CTBS: variants seen among roughly 807,000 people sequenced by gnomAD.
CTBS encodes chitobiase.
A neutral mutation model predicts 44.3 loss-of-function variants in CTBS; 35 were observed. That is an observed-to-expected ratio of 0.79 (90% CI 0.60 to 1.05). CTBS has a LOEUF of 1.05. CTBS is among the 50% of genes least tolerant of loss of function. The pLI, the probability that CTBS is intolerant of heterozygous loss-of-function variation, is 0.00. For synonymous variants in CTBS, 143 were observed against 168.0 expected (o/e 0.85, Z 1.15); for missense variants, 458 against 475.3 (o/e 0.96, Z 0.34).
At position 84,574,336 on chromosome 1, in the gene CTBS, A is replaced by G. The variant is rs751607399; in HGVS notation, c.80T>C (p.Leu27Pro). ...SGVPGLALLA[L>P]LALLALRLAA... Reference sequence around the variant, plus strand: ...GAGCCGCAGCGCCAGCAGCGCCAGCAGCGCCAGCAGCGCTAGACCCGGGAC... The same window carrying G: ...GAGCCGCAGCGCCAGCAGCGCCAGCGGCGCCAGCAGCGCTAGACCCGGGAC... The change falls in exon 1 of 7, where the codon CTG (leucine) becomes CCG (proline). Residue 27 changes from leucine (L) to proline (P), a missense_variant. Coordinates refer to ENST00000370630, the MANE Select transcript of CTBS (RefSeq NM_004388.3). The G allele has an allele frequency of 7.0e-6, 11 of 1,572,316 alleles. No individual in the cohort carries two copies. The South Asian group carries it at 1.2e-4, about 17-fold the overall frequency.
intron 1 of CTBS, chr1:84,573,852 T>TG: frequency 9.3e-7 from 1 of 1,074,914 alleles, no homozygotes; most frequent in Non-Finnish European, 1.1e-6. Flanking sequence ...AATGTACTGT[T>TG]GGAGTGCTGA....
At position 84,555,072 on chromosome 1, in the gene CTBS, G is replaced by A. The variant is rs1350835578; in HGVS notation, c.1085C>T (p.Ser362Phe). ...TTGCTGTTTGGCTACAGCATCTCCAGAGTAGTCAAGACAGTTTGCATTCCA... is the reference window on the plus strand; with the variant it reads ...TTGCTGTTTGGCTACAGCATCTCCAAAGTAGTCAAGACAGTTTGCATTCCA... ...GMWNANCLDY[S>F]GDAVAKQQTE... The change falls in exon 7 of 7, where the codon TCT (serine) becomes TTT (phenylalanine). Residue 362 changes from serine (S) to phenylalanine (F), a missense_variant. By Grantham distance (155) the Ser-to-Phe change is radical. Coordinates refer to ENST00000370630, the MANE Select transcript of CTBS (RefSeq NM_004388.3). 12 of 1,613,812 alleles carry A rather than the reference G, an allele frequency of 7.4e-6. No individual in the cohort carries two copies. Among genetic ancestry groups the A allele is most frequent in the African/African-American group, 1.3e-5 (1 of 74,858 alleles).
In CTBS at chr1:84,549,924, A is replaced by G. The variant is rs1019119393; in HGVS notation, c.*5075T>C. On this transcript the variant is annotated 3_prime_UTR_variant, in exon 7 of 7. Coordinates refer to ENST00000370630, the MANE Select transcript of CTBS (RefSeq NM_004388.3). The stretch of plus-strand genomic sequence containing the variant: ...TATCTTACTGTTTAATCAGTTCAAT[A>G]TAAGAATTTTTTCACAAAGCCAGTT... The G allele has an allele frequency of 6.6e-6, 1 of 151,624 alleles. No homozygotes were observed. The highest frequency in any genetic ancestry group is 1.5e-5 in the Non-Finnish European group (1 of 67,872). 9.4% of individuals were successfully genotyped at this position (151,624 alleles called of 1,614,324 possible).
At chr1:84,555,640 T>C (rs2102015001) in intron 6 of CTBS, among the ~76,000 whole-genome samples, 1 of 152,340 alleles carries the variant, frequency 6.6e-6, no homozygotes, top group South Asian at 2.1e-4. Flanking sequence ...CTCCTTTTCA[T>C]GTCCTAAGAT....
Position 84,554,653 on chromosome 1 carries a change from A to G in CTBS, c.*346T>C. 5.5e-6 allele frequency: 1 copy of G among 181,566 alleles called. No homozygotes were observed. Among genetic ancestry groups the G allele is most frequent in the Non-Finnish European group, 1.2e-5 (1 of 85,564 alleles). The allele number at this position is 181,566 out of a possible 1,614,324, so 11.2% of individuals were successfully genotyped here. A position where few individuals can be genotyped will look rare whatever the true frequency, so the allele number is the denominator to read the frequency against. ...AAACAATTTCCACTTCAGATTATAC[A>G]TATTTTAAAAATCAGCATTGATTCG... On this transcript the variant is annotated 3_prime_UTR_variant, in exon 7 of 7. Coordinates refer to ENST00000370630, the MANE Select transcript of CTBS (RefSeq NM_004388.3).
At chr1:84,557,533 C>CAAAAAAAAAAAAAAAAAAAAAAAAAAAAA (rs56101174) in intron 6 of CTBS, among the ~76,000 whole-genome samples, 1 of 55,438 alleles carries the variant, frequency 1.8e-5, no homozygotes, top group African/African-American at 5.9e-5. Context: ...AACTCCATCT[C>CAAAAAAAAAAAAAAAAAAAAAAAAAAAAA]AAAAAAAAAA....
rs1344705389 is a variant in CTBS at position 84,553,826 on chromosome 1, A to T, written c.*1173T>A. 6.6e-6 allele frequency: 1 copy of T among 152,200 alleles called. No homozygotes were observed. Among genetic ancestry groups the T allele is most frequent in the Non-Finnish European group, 1.5e-5 (1 of 68,032 alleles). The allele number at this position is 152,200 out of a possible 1,614,324, so 9.4% of individuals were successfully genotyped here. On this transcript the variant is annotated 3_prime_UTR_variant, in exon 7 of 7. Coordinates refer to ENST00000370630, the MANE Select transcript of CTBS (RefSeq NM_004388.3). The stretch of plus-strand genomic sequence containing the variant: ...ATTTATGTAAATCTAGAGTTCAAAG[A>T]TACAGATTTTTAATCTGTAATTAGG...
At position 84,553,101 on chromosome 1, in the gene CTBS, A is replaced by G; in HGVS notation, c.*1898T>C. 2 of 1,519,454 alleles carry G rather than the reference A, an allele frequency of 1.3e-6. No individual in the cohort carries two copies. The highest frequency in any genetic ancestry group is 1.8e-6 in the Non-Finnish European group (2 of 1,131,828). The allele number at this position is 1,519,454 out of a possible 1,614,324, so 94.1% of individuals were successfully genotyped here. ...TGAACTGGCACAGAAAAAAAAAATA[A>G]TACATCTCTACAATCTCAATTAGGT... On this transcript the variant is annotated 3_prime_UTR_variant, in exon 7 of 7. Coordinates refer to ENST00000370630, the MANE Select transcript of CTBS (RefSeq NM_004388.3).
At chr1:84,570,218 G>C in intron 2 of CTBS, 79 bp from the exon 3 acceptor site, 1 of 1,153,960 alleles carries the variant, frequency 8.7e-7, no homozygotes, top group South Asian at 1.4e-5. Flanking sequence ...CTTAACTGAA[G>C]TTTTCCAATG....
At chr1:84,571,295 C>T (rs1418481392) in intron 1 of CTBS, among the ~76,000 whole-genome samples, 1 of 152,098 alleles carries the variant, frequency 6.6e-6, no homozygotes, top group African/African-American at 2.4e-5. Context: ...GGAGCAGTGG[C>T]GTTAAGTGAA....
chr1:84,557,616 G>C (rs948347182), intron 6 of CTBS, among the ~76,000 whole-genome samples: 1 of 151,330 alleles, frequency 6.6e-6, no homozygotes, highest in African/African-American at 2.4e-5. Flanking sequence ...AGCCCTTTGG[G>C]AGGCCGAGAT....
chr1:84,555,411 C>G (rs189518016), intron 6 of CTBS, among the ~76,000 whole-genome samples: 71 of 152,230 alleles, frequency 4.7e-4, no homozygotes, highest in Non-Finnish European at 8.4e-4. Context: ...TACAAATGGT[C>G]CCTGACTTAC....
Position 84,550,114 on chromosome 1 carries a change from T to C in CTBS, c.*4885A>G, listed in dbSNP as rs1047128642. On this transcript the variant is annotated 3_prime_UTR_variant, in exon 7 of 7. Coordinates refer to ENST00000370630, the MANE Select transcript of CTBS (RefSeq NM_004388.3). ...ATTAAGTATTTTAAAATAATTCTAA[T>C]CTTATTCAGCTGATAAAGCATTATG... 15 of 164,058 alleles carry C rather than the reference T, an allele frequency of 9.1e-5. No individual in the cohort carries two copies. The highest frequency in any genetic ancestry group is 8.9e-4 in the Admixed American group (14 of 15,706). The allele number at this position is 164,058 out of a possible 1,614,324, so 10.2% of individuals were successfully genotyped here. A position where few individuals can be genotyped will look rare whatever the true frequency, so the allele number is the denominator to read the frequency against.
At position 84,551,662 on chromosome 1, in the gene CTBS, G is replaced by A. The variant is rs1684276356; in HGVS notation, c.*3337C>T. The A allele has an allele frequency of 6.6e-6, 1 of 152,222 alleles. No homozygotes were observed. The highest frequency in any genetic ancestry group is 2.4e-5 in the African/African-American group (1 of 41,554). The allele number at this position is 152,222 out of a possible 1,614,324, so 9.4% of individuals were successfully genotyped here. On this transcript the variant is annotated 3_prime_UTR_variant, in exon 7 of 7. Transcript: ENST00000370630. ...CATTCTCGAGGCTAAATAAGCCCTG[G>A]TTTGGCACTGAGAAGCTTAAAACTT...
At position 84,553,293 on chromosome 1, in the gene CTBS, T is replaced by C. The variant is rs1036872850; in HGVS notation, c.*1706A>G. The C allele has an allele frequency of 1.0e-4, 40 of 389,830 alleles. No homozygotes were observed. The South Asian group carries it at 1.3e-3, about 13-fold the overall frequency. The allele number at this position is 389,830 out of a possible 1,614,324, so 24.1% of individuals were successfully genotyped here. A position where few individuals can be genotyped will look rare whatever the true frequency, so the allele number is the denominator to read the frequency against. ...GTTTCAGGAAATATTAGATGTAATA[T>C]AAAGCAAAATGATGAATGGTTATTT... is the stretch of plus-strand genomic sequence containing the variant. On this transcript the variant is annotated 3_prime_UTR_variant, in exon 7 of 7. Coordinates refer to ENST00000370630, the MANE Select transcript of CTBS (RefSeq NM_004388.3).
At chr1:84,561,458 G>A (rs1026142944) in intron 6 of CTBS, among the ~76,000 whole-genome samples, 2 of 152,172 alleles carry the variant, frequency 1.3e-5, no homozygotes, top group African/African-American at 4.8e-5. Context: ...AAAATGCTGT[G>A]AACATTGTTC....
Position 84,570,632 on chromosome 1 carries a change from G to C in CTBS, c.266C>G (p.Ser89Ter). The C allele has an allele frequency of 6.2e-7, 1 of 1,613,880 alleles. No individual in the cohort carries two copies. Among genetic ancestry groups the C allele is most frequent in the Non-Finnish European group, 8.5e-7 (1 of 1,179,838 alleles). The change falls in exon 2 of 7, where the codon TCA becomes TGA. Residue 89 changes from serine to a stop codon, truncating the protein, a stop_gained. Coordinates refer to ENST00000370630, the MANE Select transcript of CTBS (RefSeq NM_004388.3). LOFTEE classifies it high-confidence loss of function. ...TGAATGAGCGTAGCACATAAGTTCT[G>C]AGTCATATTTTCCAAATGTTGCCAC... The part of the protein sequence containing the change: ...TTVATFGKYD[S>*]ELMCYAHSKG...
chr1:84,574,435 C>T lies in CTBS; in HGVS notation c.-20G>A, dbSNP rs767568131. ...GGACATAGCAGCAGGTCTAGCGGGCCGGAGTGGGTTCCTACCGCCTGGGTG... is the reference window on the plus strand; with the variant it reads ...GGACATAGCAGCAGGTCTAGCGGGCTGGAGTGGGTTCCTACCGCCTGGGTG... On this transcript the variant is annotated 5_prime_UTR_variant, in exon 1 of 7. Coordinates refer to ENST00000370630, the MANE Select transcript of CTBS (RefSeq NM_004388.3). 2.0e-6 allele frequency: 3 copies of T among 1,494,224 alleles called. No homozygotes were observed. The South Asian group carries it at 3.9e-5, about 19-fold the overall frequency. The allele number at this position is 1,494,224 out of a possible 1,614,324, so 92.6% of individuals were successfully genotyped here. A position where few individuals can be genotyped will look rare whatever the true frequency, so the allele number is the denominator to read the frequency against.
At chr1:84,564,228 A>G (rs1464339827) in intron 4 of CTBS, among the ~76,000 whole-genome samples, 2 of 152,228 alleles carry the variant, frequency 1.3e-5, no homozygotes, top group Admixed American at 6.5e-5. Flanking sequence ...TGATGGTCTC[A>G]GAGTTTCTTA....
Sources: gnomAD v4.1 joint callset for allele counts (sites outside exome capture counted in the v4.1 genomes callset) on GRCh38, gnomAD v4.1.1 for gene constraint, MANE v1.5 for transcripts, NCBI Gene and HGNC (gene_info 2026-07-23, HGNC 2026-07-21) for gene names.